The following GPR158 variants were observed in gnomAD, a reference collection of about 807,000 sequenced individuals.
GPR158 encodes the protein metabotropic glycine receptor.
GPR158 carries 30 observed loss-of-function variants against 78.2 expected under a neutral mutation model. The ratio of observed to expected loss-of-function variants is 0.38; its 90% CI spans 0.29 to 0.52. The LOEUF (loss-of-function observed/expected upper bound fraction) is 0.52. GPR158 is among the 20% of genes least tolerant of loss of function. The pLI, the probability that GPR158 is intolerant of heterozygous loss-of-function variation, is 0.83. For synonymous variants in GPR158, 581 were observed against 591.1 expected (o/e 0.98, Z 0.25); for missense variants, 1,463 against 1,523.5 (o/e 0.96, Z 0.66).
chr10:25,504,682 C>T (rs994517290), intron 5 of GPR158, among the ~76,000 whole-genome samples: 8 of 152,198 alleles, frequency 5.3e-5, no homozygotes, highest in African/African-American at 1.4e-4. Flanking sequence ...GGTGACATCT[C>T]ACCTCCTACC....
intron 5 of GPR158, among the ~76,000 whole-genome samples, chr10:25,505,968 G>T (rs903485525): frequency 3.3e-5 from 5 of 152,152 alleles, no homozygotes; most frequent in African/African-American, 1.2e-4. Context: ...TCCATCTGTA[G>T]ACTCTGAATT....
chr10:25,480,412 T>C (rs1835650323), intron 5 of GPR158, among the ~76,000 whole-genome samples: 1 of 152,254 alleles, frequency 6.6e-6, no homozygotes, highest in African/African-American at 2.4e-5. Context: ...CACAGTGTTG[T>C]GCAGCCATGG....
chr10:25,346,813 G>A (rs1185001166), intron 2 of GPR158, among the ~76,000 whole-genome samples: 1 of 151,878 alleles, frequency 6.6e-6, no homozygotes, highest in Non-Finnish European at 1.5e-5. Context: ...TCTAAATTTT[G>A]TTTTCTGCTA....
chr10:25,185,335 TA>T (rs1235156060), intron 1 of GPR158, among the ~76,000 whole-genome samples: 1 of 152,226 alleles, frequency 6.6e-6, no homozygotes, highest in East Asian at 1.9e-4. Flanking sequence ...ATTGTATATA[TA>T]GAACCTGACA....
chr10:25,395,619 T>C lies in GPR158; in HGVS notation c.1009-292T>C, dbSNP rs1564443917. Among the ~76,000 whole-genome samples the C allele has an allele frequency of 2.0e-5, 3 of 152,176 alleles. No individual in the cohort carries two copies. The South Asian group carries it at 6.2e-4, about 31-fold the overall frequency. ...TTTCTTAAAGCAATAAGATGATATGTGAGGCATTAAAAAGAAAAACTATGT... is the reference window on the plus strand; with the variant it reads ...TTTCTTAAAGCAATAAGATGATATGCGAGGCATTAAAAAGAAAAACTATGT... On this transcript the variant is annotated intron_variant, in intron 2 of 10. Transcript: ENST00000376351.
Position 25,599,012 on chromosome 10 carries a change from CAG to C in GPR158, c.3390_3391del (p.Asn1131Ter), listed in dbSNP as rs777012481. ...CCCCCCAAAGCTGTAGCATCAAAAA[CAG>C]AGAATGAAAATCTCAACCAAATAGG... On this transcript the variant is annotated frameshift_variant, in exon 11 of 11. Transcript: ENST00000376351. LOFTEE classifies it low-confidence loss of function (END_TRUNC). The C allele has an allele frequency of 2.5e-6, 4 of 1,614,130 alleles. No individual in the cohort carries two copies. Among genetic ancestry groups the C allele is most frequent in the Non-Finnish European group, 3.4e-6 (4 of 1,180,020 alleles).
intron 5 of GPR158, among the ~76,000 whole-genome samples, chr10:25,483,549 T>G (rs1835689207): frequency 6.6e-6 from 1 of 152,204 alleles, no homozygotes; most frequent in East Asian, 1.9e-4. Context: ...TTATCTTTAT[T>G]TCTTACACGT....
At chr10:25,440,459 C>A (rs143280310) in intron 4 of GPR158, among the ~76,000 whole-genome samples, 33 of 152,294 alleles carry the variant, frequency 2.2e-4, no homozygotes, top group Non-Finnish European at 4.1e-4. Context: ...CTTCAATTTT[C>A]CATAATAGCA....
chr10:25,507,108 C>A (rs957623769), intron 5 of GPR158, among the ~76,000 whole-genome samples: 2 of 152,196 alleles, frequency 1.3e-5, no homozygotes, highest in Non-Finnish European at 2.9e-5. Context: ...ATTCCAGGAT[C>A]CAGACAGCTA....
Position 25,175,021 on chromosome 10 carries a change from G to T in GPR158, c.-400G>T. The T allele has an allele frequency of 5.4e-6, 1 of 184,510 alleles. No individual in the cohort carries two copies. The highest frequency in any genetic ancestry group is 1.1e-5 in the Non-Finnish European group (1 of 89,354). The allele number at this position is 184,510 out of a possible 1,614,324, so 11.4% of individuals were successfully genotyped here. A position where few individuals can be genotyped will look rare whatever the true frequency, so the allele number is the denominator to read the frequency against. On this transcript the variant is annotated 5_prime_UTR_variant, in exon 1 of 11. Transcript: ENST00000376351. This position sits in a 1 kb window ranked among gnomAD's most constrained non-coding sequence, Gnocchi z 6.4. ...AGACTATGGAGCAGCGTCTTCGGCGGCCGCGGCGGCAGCAGCAGCAGCAGC... is the reference window on the plus strand; with the variant it reads ...AGACTATGGAGCAGCGTCTTCGGCGTCCGCGGCGGCAGCAGCAGCAGCAGC...
rs556222405 is a variant in GPR158, at chr10:25,271,697, T to G, written c.1008+50540T>G. Among the ~76,000 whole-genome samples, 36 of 152,298 alleles carry G rather than the reference T, an allele frequency of 2.4e-4. 1 individual carries two copies. Among genetic ancestry groups the G allele is most frequent in the African/African-American group, 8.7e-4 (36 of 41,570 alleles). ...CATTTTTGAGATGGAGTTTCCTTCTTGTTGGCCAAGGTGGAATGCTATGGT... is the reference window on the plus strand; with the variant it reads ...CATTTTTGAGATGGAGTTTCCTTCTGGTTGGCCAAGGTGGAATGCTATGGT... On this transcript the variant is annotated intron_variant, in intron 2 of 10. Coordinates refer to ENST00000376351, the MANE Select transcript of GPR158 (RefSeq NM_020752.3).
Position 25,442,307 on chromosome 10 carries a change from G to A in GPR158, c.1336-24344G>A, listed in dbSNP as rs560929205. Among the ~76,000 whole-genome samples the A allele has an allele frequency of 7.9e-5, 12 of 152,108 alleles. No homozygotes were observed. The East Asian group carries it at 1.4e-3, about 17-fold the overall frequency. On this transcript the variant is annotated intron_variant, in intron 4 of 10. Transcript: ENST00000376351. ...ACACAGCAACAAATAAACCAACATC[G>A]CAGAAAGCAAACACGAGTGGCTCAC...
chr10:25,208,558 TTGTGTGTG>T (rs71399956), intron 1 of GPR158, among the ~76,000 whole-genome samples: 5,326 of 135,210 alleles, frequency 0.039, 100 homozygotes, highest in African/African-American at 0.051. Flanking sequence ...CTATGTGAAT[TTGTGTGTG>T]TGTGTGTGTG....
At chr10:25,375,739 T>G (rs1439766062) in intron 2 of GPR158, among the ~76,000 whole-genome samples, 9 of 151,668 alleles carry the variant, frequency 5.9e-5, no homozygotes, top group Non-Finnish European at 1.2e-4. Flanking sequence ...TTTTAAAAAT[T>G]GAATCTTTTG....
chr10:25,449,238 TGA>T (rs1266072331), intron 4 of GPR158, among the ~76,000 whole-genome samples: 1 of 152,228 alleles, frequency 6.6e-6, no homozygotes, highest in East Asian at 1.9e-4. Context: ...TGCCAGATCA[TGA>T]TAATGATGTC....
chr10:25,509,241 A>G (rs1836052324), intron 5 of GPR158, among the ~76,000 whole-genome samples: 1 of 152,174 alleles, frequency 6.6e-6, no homozygotes, highest in Admixed American at 6.5e-5. Context: ...TGAGAACTAC[A>G]TGCTTAATTT....
intron 2 of GPR158, among the ~76,000 whole-genome samples, chr10:25,379,433 TA>T (rs1480184784): frequency 6.6e-6 from 1 of 152,152 alleles, no homozygotes; most frequent in Admixed American, 6.6e-5. Flanking sequence ...AGGCTCAAAC[TA>T]GTTTTTATTC....
At chr10:25,394,798 A>G (rs1834346630) in intron 2 of GPR158, among the ~76,000 whole-genome samples, 1 of 152,140 alleles carries the variant, frequency 6.6e-6, no homozygotes, top group Admixed American at 6.5e-5. Flanking sequence ...ATACTTATCT[A>G]ATTGCTGGAG....
At chr10:25,440,584 CTT>C (rs761273399) in intron 4 of GPR158, among the ~76,000 whole-genome samples, 2 of 152,182 alleles carry the variant, frequency 1.3e-5, no homozygotes, top group Non-Finnish European at 2.9e-5. Context: ...TTCTTACTGA[CTT>C]TTAAAATCTT....
Sources: gnomAD v4.1 joint callset for allele counts (sites outside exome capture counted in the v4.1 genomes callset) on GRCh38, gnomAD v4.1.1 for gene constraint, Gnocchi (gnomAD v3.1) non-coding constraint, MANE v1.5 for transcripts, NCBI Gene and HGNC (gene_info 2026-07-23, HGNC 2026-07-21) for gene names.